Variants in CIMIP4 observed in about 807,000 individuals in gnomAD.
CIMIP4 encodes the protein protein EAN57.
the CIMIP4 span, chr22:36,991,170 G>C: frequency 6.2e-7 from 1 of 1,612,766 alleles, no homozygotes; most frequent in Non-Finnish European, 8.5e-7. Context: ...CACCTCTACT[G>C]TGTCAAAACT....
the CIMIP4 span, among the ~76,000 whole-genome samples, chr22:37,003,351 A>G: frequency 1.3e-5 from 2 of 151,554 alleles, no homozygotes; most frequent in Non-Finnish European, 2.9e-5. Context: ...AACTCACTGG[A>G]CTCTCTTCTC....
chr22:37,002,230 G>A, the CIMIP4 span: 5 of 1,458,052 alleles, frequency 3.4e-6, no homozygotes, highest in South Asian at 7.3e-5. Context: ...AGGAACTGTA[G>A]GCCGCTTTCC....
At chr22:36,998,039 C>T in the CIMIP4 span, among the ~76,000 whole-genome samples, 2 of 152,220 alleles carry the variant, frequency 1.3e-5, no homozygotes, top group African/African-American at 4.8e-5. Context: ...TTCAGAGAGA[C>T]AATTGCCTCT....
the CIMIP4 span, among the ~76,000 whole-genome samples, chr22:36,995,991 A>C: frequency 6.6e-6 from 1 of 152,166 alleles, no homozygotes; most frequent in South Asian, 2.1e-4. Context: ...CCAGATGCTG[A>C]TATAAAGGTA....
At chr22:37,001,967 T>C in the CIMIP4 span, 2 of 1,613,900 alleles carry the variant, frequency 1.2e-6, no homozygotes, top group Non-Finnish European at 1.7e-6. Context: ...GGGACCGTCA[T>C]CCGTCCCCTG....
chr22:37,002,747 C>G, the CIMIP4 span, among the ~76,000 whole-genome samples: 1 of 152,200 alleles, frequency 6.6e-6, no homozygotes, highest in Non-Finnish European at 1.5e-5. Context: ...CTGGCAGCAG[C>G]GGCACTGGCA....
the CIMIP4 span, chr22:36,999,874 G>T: frequency 2.5e-6 from 4 of 1,614,006 alleles, no homozygotes; most frequent in Non-Finnish European, 3.4e-6. Flanking sequence ...TGTAGCCGAG[G>T]TCATAGTAGT....
At chr22:37,007,626 C>T in the CIMIP4 span, 1 of 152,200 alleles carries the variant, frequency 6.6e-6, no homozygotes, top group African/African-American at 2.4e-5. Flanking sequence ...AAGGTAAGTC[C>T]AGTCTAGGCA....
chr22:36,992,221 C>G, the CIMIP4 span, among the ~76,000 whole-genome samples: 6 of 152,132 alleles, frequency 3.9e-5, no homozygotes, highest in Non-Finnish European at 5.9e-5. Flanking sequence ...GTGGCGGGCT[C>G]CTGTAATCCC....
the CIMIP4 span, among the ~76,000 whole-genome samples, chr22:36,994,309 GTTA>G: frequency 6.6e-3 from 1,000 of 151,940 alleles, 14 homozygotes; most frequent in African/African-American, 0.023. Flanking sequence ...CCAAGAGATT[GTTA>G]TTATTATTAT....
the CIMIP4 span, chr22:36,999,993 G>A: frequency 1.6e-5 from 26 of 1,604,508 alleles, no homozygotes; most frequent in Non-Finnish European, 2.1e-5. Context: ...GCCTGAGCAG[G>A]GAGGCAGGGA....
At chr22:36,997,589 A>T in the CIMIP4 span, among the ~76,000 whole-genome samples, 1 of 152,172 alleles carries the variant, frequency 6.6e-6, no homozygotes, top group East Asian at 1.9e-4. Context: ...CCAAGCCACC[A>T]TCATCTGTCC....
the CIMIP4 span, among the ~76,000 whole-genome samples, chr22:36,998,029 T>C: frequency 1.3e-5 from 2 of 152,196 alleles, no homozygotes; most frequent in Admixed American, 6.5e-5. Context: ...TGCCAGTCAG[T>C]TCAGAGAGAC....
chr22:36,996,267 T>C, the CIMIP4 span, among the ~76,000 whole-genome samples: 1 of 152,154 alleles, frequency 6.6e-6, no homozygotes, highest in African/African-American at 2.4e-5. Flanking sequence ...TTATTACTAT[T>C]CAAAAGCACT....
chr22:36,994,723 C>A, the CIMIP4 span, among the ~76,000 whole-genome samples: 31 of 151,636 alleles, frequency 2.0e-4, no homozygotes, highest in African/African-American at 7.5e-4. Flanking sequence ...CTCCGCTTCC[C>A]GGGTTCACGC....
At chr22:36,994,127 C>CAAAAAAAAAAGATTAATATACAAAAACA in the CIMIP4 span, among the ~76,000 whole-genome samples, 1 of 152,088 alleles carries the variant, frequency 6.6e-6, no homozygotes, top group African/African-American at 2.4e-5. Context: ...ATAGATAAGG[C>CAAAAAAAAAAGATTAATATACAAAAACA]AAAATTGACA....
the CIMIP4 span, among the ~76,000 whole-genome samples, chr22:36,996,810 A>T: frequency 6.6e-6 from 1 of 152,310 alleles, no homozygotes; most frequent in South Asian, 2.1e-4. Context: ...TTTGGTGATT[A>T]AAAATGTAAT....
chr22:37,000,088 A>G, the CIMIP4 span: 1 of 1,415,180 alleles, frequency 7.1e-7, no homozygotes, highest in Non-Finnish European at 9.4e-7. Context: ...CCCCACCCCG[A>G]TCCCACCTGT....
chr22:37,002,838 A>G, the CIMIP4 span, among the ~76,000 whole-genome samples: 29 of 152,210 alleles, frequency 1.9e-4, no homozygotes, highest in African/African-American at 6.5e-4. Flanking sequence ...CCAATGCAAG[A>G]CTGCTCCCCA....
Sources: gnomAD v4.1 joint callset for allele counts (sites outside exome capture counted in the v4.1 genomes callset) on GRCh38, gnomAD v4.1.1 for gene constraint, MANE v1.5 for transcripts, NCBI Gene and HGNC (gene_info 2026-07-23, HGNC 2026-07-21) for gene names.